SLC9A9: variants seen among roughly 807,000 people sequenced by gnomAD.
The protein encoded by SLC9A9 is solute carrier family 9 member A9.
SLC9A9 carries 62 observed loss-of-function variants against 77.8 expected under a neutral mutation model. That is an observed-to-expected ratio of 0.80 (90% CI 0.65 to 0.98). SLC9A9 has a LOEUF of 0.98. Among genes scored for constraint, SLC9A9 ranks in the 50% least tolerant of loss-of-function variants. The pLI is 0.00. For synonymous variants in SLC9A9, 320 were observed against 283.5 expected (o/e 1.13, Z -1.29); for missense variants, 775 against 774.9 (o/e 1.00, Z 0.00).
intron 6 of SLC9A9, among the ~76,000 whole-genome samples, chr3:143,603,261 T>C (rs1427956541): frequency 1.3e-5 from 2 of 152,356 alleles, no homozygotes; most frequent in African/African-American, 4.8e-5. Flanking sequence ...ATCTAAAGTA[T>C]GTGAGATCCA....
intron 6 of SLC9A9, among the ~76,000 whole-genome samples, chr3:143,603,911 G>T (rs2037883972): frequency 6.6e-6 from 1 of 152,168 alleles, no homozygotes; most frequent in Non-Finnish European, 1.5e-5. Context: ...CTTTTAGAAG[G>T]TGCATTTGAA....
At chr3:143,653,372 G>A (rs564438435) in intron 5 of SLC9A9, among the ~76,000 whole-genome samples, 1 of 152,256 alleles carries the variant, frequency 6.6e-6, no homozygotes, top group East Asian at 1.9e-4. Flanking sequence ...GCAATCATTA[G>A]GAAAATGATC....
intron 6 of SLC9A9, among the ~76,000 whole-genome samples, chr3:143,583,038 G>A (rs1012873384): frequency 4.6e-5 from 7 of 152,120 alleles, no homozygotes; most frequent in South Asian, 2.1e-4. Flanking sequence ...CTGTAGTCCC[G>A]GCTACTCAGG....
In SLC9A9 at chr3:143,756,774, G is replaced by A. The variant is rs1188875689; in HGVS notation, c.533+38227C>T. ...GAGATCTATCTCACCAAATGTGTAT[G>A]CTTCTTTTAATTTGACAATAGGAAG... On this transcript the variant is annotated intron_variant, in intron 4 of 15. Transcript: ENST00000316549. Among the ~76,000 whole-genome samples the A allele has an allele frequency of 3.3e-5, 5 of 152,234 alleles. No individual in the cohort carries two copies. The East Asian group carries it at 9.7e-4, about 29-fold the overall frequency.
At chr3:143,585,511 C>G (rs1314332962) in intron 6 of SLC9A9, among the ~76,000 whole-genome samples, 1 of 152,202 alleles carries the variant, frequency 6.6e-6, no homozygotes, top group Non-Finnish European at 1.5e-5. Context: ...ACACTCATGT[C>G]TCCCTAAAAT....
At chr3:143,824,334 G>A (rs1177299120) in intron 2 of SLC9A9, among the ~76,000 whole-genome samples, 2 of 151,894 alleles carry the variant, frequency 1.3e-5, no homozygotes, top group Admixed American at 1.3e-4. Context: ...CTGCCTTCCA[G>A]AAAGCAGCAG....
intron 11 of SLC9A9, among the ~76,000 whole-genome samples, chr3:143,481,303 G>GTC (rs2108580899): frequency 6.6e-6 from 1 of 152,244 alleles, no homozygotes; most frequent in Admixed American, 6.5e-5. Flanking sequence ...AAGTTACAAA[G>GTC]GCTTGTTATC....
intron 2 of SLC9A9, among the ~76,000 whole-genome samples, chr3:143,820,549 C>T (rs1342672212): frequency 1.3e-5 from 2 of 152,306 alleles, no homozygotes; most frequent in African/African-American, 4.8e-5. Flanking sequence ...CTGCTGGTCC[C>T]TTGTGGGCCT....
chr3:143,517,724 T>C lies in SLC9A9; in HGVS notation c.1090-22276A>G, dbSNP rs2036229009. Reference sequence around the variant, plus strand: ...TATTTCAATGGCTCTGTCACAGTCTTGGATGGCAGCACTTGGCTTCTGTAA... The same window carrying C: ...TATTTCAATGGCTCTGTCACAGTCTCGGATGGCAGCACTTGGCTTCTGTAA... On this transcript the variant is annotated intron_variant, in intron 9 of 15. Coordinates refer to ENST00000316549, the MANE Select transcript of SLC9A9 (RefSeq NM_173653.4). 4 of 1,597,852 alleles carry C rather than the reference T, an allele frequency of 2.5e-6. No homozygotes were observed. The South Asian group carries it at 4.4e-5, about 18-fold the overall frequency.
intron 14 of SLC9A9, among the ~76,000 whole-genome samples, chr3:143,315,798 G>A (rs1270186748): frequency 2.0e-5 from 3 of 152,166 alleles, no homozygotes; most frequent in African/African-American, 7.2e-5. Flanking sequence ...TGCTTCCCTG[G>A]GGTAAAGCTA....
intron 12 of SLC9A9, among the ~76,000 whole-genome samples, chr3:143,457,960 G>A (rs1160510430): frequency 6.6e-6 from 1 of 152,122 alleles, no homozygotes; most frequent in Non-Finnish European, 1.5e-5. Flanking sequence ...GCAGCTGGTT[G>A]TTAGAATAGT....
chr3:143,508,984 A>T (rs9875821), intron 9 of SLC9A9, among the ~76,000 whole-genome samples: 33,330 of 151,970 alleles, frequency 0.22, 4,710 homozygotes, highest in Non-Finnish European at 0.32. Flanking sequence ...AGTTTACTTG[A>T]TTTAACTAAC....
At chr3:143,273,989 C>T (rs1253093448) in intron 14 of SLC9A9, among the ~76,000 whole-genome samples, 1 of 152,204 alleles carries the variant, frequency 6.6e-6, no homozygotes, top group African/African-American at 2.4e-5. Flanking sequence ...CCATTTGTCT[C>T]TGAACCCAGA....
At chr3:143,585,849 T>A (rs2037532188) in intron 6 of SLC9A9, among the ~76,000 whole-genome samples, 1 of 152,330 alleles carries the variant, frequency 6.6e-6, no homozygotes, top group African/African-American at 2.4e-5. Flanking sequence ...CTGTGTTTTG[T>A]GTGAGCCCAC....
Position 143,599,985 on chromosome 3 carries a change from G to A in SLC9A9, c.756-21262C>T, listed in dbSNP as rs1462435530. Among the ~76,000 whole-genome samples the A allele has an allele frequency of 4.0e-5, 6 of 151,738 alleles. No individual in the cohort carries two copies. The South Asian group carries it at 8.4e-4, about 21-fold the overall frequency. On this transcript the variant is annotated intron_variant, in intron 6 of 15. Transcript: ENST00000316549. ...TCTCTGGCGTTTTACCTACCAGCCC[G>A]GTACTGCTTCCAGATGTTTTGCTAC...
intron 14 of SLC9A9, among the ~76,000 whole-genome samples, chr3:143,299,734 C>G (rs1283280801): frequency 6.6e-6 from 1 of 152,198 alleles, no homozygotes; most frequent in East Asian, 1.9e-4. Context: ...TGAGCCACCA[C>G]GTCCTGCCAC....
At position 143,432,203 on chromosome 3, in the gene SLC9A9, C is replaced by T. The variant is rs1321164777; in HGVS notation, c.1469+34834G>A. Among the ~76,000 whole-genome samples the T allele has an allele frequency of 2.6e-5, 4 of 152,168 alleles. No homozygotes were observed. In the South Asian group the frequency reaches 6.2e-4, roughly 24 times the overall value. On this transcript the variant is annotated intron_variant, in intron 12 of 15. Coordinates refer to ENST00000316549, the MANE Select transcript of SLC9A9 (RefSeq NM_173653.4). The stretch of plus-strand genomic sequence containing the variant: ...TTTATTTCAAATGCTCAGAACAGTG[C>T]TTGGCACACATGTATTTGTTAAGTG...
At chr3:143,395,767 C>G (rs1278902963) in intron 12 of SLC9A9, among the ~76,000 whole-genome samples, 3 of 152,154 alleles carry the variant, frequency 2.0e-5, no homozygotes, top group African/African-American at 7.2e-5. Context: ...AAACAAACAA[C>G]CCCATCAAAA....
chr3:143,597,909 CTG>C (rs574775779), intron 6 of SLC9A9, among the ~76,000 whole-genome samples: 25 of 152,290 alleles, frequency 1.6e-4, no homozygotes, highest in African/African-American at 5.3e-4. Flanking sequence ...TTATGCAACT[CTG>C]TGTAGAGTGG....
Sources: allele counts gnomAD v4.1 joint callset (sites outside exome capture counted in the v4.1 genomes callset), GRCh38; gene constraint gnomAD v4.1.1; transcripts MANE v1.5; gene names NCBI Gene and HGNC (gene_info 2026-07-23, HGNC 2026-07-21).